The following VPS37B variants were observed in gnomAD, a reference collection of about 807,000 sequenced individuals.
VPS37B encodes vacuolar protein sorting-associated protein 37B.
A neutral mutation model predicts 21.2 loss-of-function variants in VPS37B; 11 were observed. That is an observed-to-expected ratio of 0.52 (90% confidence interval 0.33 to 0.86). The LOEUF is 0.86. Among genes scored for constraint, VPS37B ranks in the 40% least tolerant of loss-of-function variants. The pLI is 0.03. For synonymous variants in VPS37B, 175 were observed against 159.6 expected, an observed-to-expected ratio of 1.10 and a Z score of -0.73; for missense variants, 389 against 374.8, an observed-to-expected ratio of 1.04 and a Z score of -0.31.
chr12:122,878,338 A>C (rs1358873015), intron 1 of VPS37B: 2 of 150,056 alleles, frequency 1.3e-5, no homozygotes, highest in African/African-American at 4.9e-5. Flanking sequence ...CAGCCTGGTG[A>C]CAGAGGGAGA....
intron 1 of VPS37B, chr12:122,889,039 G>T (rs7966607): frequency 6.2e-6 from 1 of 160,144 alleles, no homozygotes; most frequent in East Asian, 1.8e-4. Flanking sequence ...TTGAAGCCCG[G>T]TTATCACCAC....
At chr12:122,880,291 G>A (rs573695333) in intron 1 of VPS37B, 1 of 152,280 alleles carries the variant, frequency 6.6e-6, no homozygotes, top group African/African-American at 2.4e-5. Flanking sequence ...CTCCAGCAGT[G>A]ATAACAGTTT....
At chr12:122,879,691 C>G (rs2034216318) in intron 1 of VPS37B, 1 of 152,276 alleles carries the variant, frequency 6.6e-6, no homozygotes. Context: ...CACAAAATGA[C>G]ACTTGAGCTC....
intron 1 of VPS37B, 196 bp from the exon 2 acceptor site, chr12:122,871,257 G>T: frequency 5.2e-6 from 7 of 1,355,648 alleles, no homozygotes; most frequent in Non-Finnish European, 6.6e-6. Flanking sequence ...GCTGCCCGTC[G>T]TAAAGAATGA....
chr12:122,894,950 T>C (rs2034469096), intron 1 of VPS37B, among the ~76,000 whole-genome samples: 1 of 152,054 alleles, frequency 6.6e-6, no homozygotes, highest in Admixed American at 6.5e-5. Context: ...TGGGACGCAG[T>C]GGTACAAAGC....
In VPS37B at chr12:122,868,794, G is replaced by A. The variant is rs1373893269; in HGVS notation, c.284-232C>T. 6.6e-6 allele frequency among the ~76,000 whole-genome samples: 1 copy of A among 152,200 alleles called. No individual in the cohort carries two copies. The highest frequency in any genetic ancestry group is 1.9e-4 in the East Asian group (1 of 5,196). ...ACCAGCTGTTTTCAAATATGGGGCA[G>A]TGACATTCTCATCATGCCACTTTGT... On this transcript the variant is annotated intron_variant, in intron 2 of 3. Transcript: ENST00000267202. The surrounding 1 kb of genome is among the most constrained non-coding windows in gnomAD (Gnocchi z 5.5).
At chr12:122,873,562 G>A (rs1481309513) in intron 1 of VPS37B, 4 of 152,222 alleles carry the variant, frequency 2.6e-5, no homozygotes, top group African/African-American at 9.7e-5. Flanking sequence ...TGAGAAACAG[G>A]AGTGCTCCCA....
At chr12:122,883,510 CAA>C (rs2034278875) in intron 1 of VPS37B, 1 of 152,094 alleles carries the variant, frequency 6.6e-6, no homozygotes, top group East Asian at 1.9e-4. Context: ...TTTTTTGAGA[CAA>C]GAGTCTCACT....
At position 122,867,124 on chromosome 12, in the gene VPS37B, G is replaced by A. The variant is rs2033917339; in HGVS notation, c.850C>T (p.Leu284Phe). The change falls in exon 4 of 4, where the codon CTC (leucine) becomes TTC (phenylalanine). Residue 284 changes from leucine to phenylalanine, a missense_variant. Coordinates refer to ENST00000267202, the MANE Select transcript of VPS37B (RefSeq NM_024667.3). The surrounding 1 kb of genome is among the most constrained non-coding windows in gnomAD (Gnocchi z 5.5). ...RLPPHQPGFI[L>F]Q ...AAGGACCGCGCCGGCGCTCACTGGAGGATGAAACCCGGCTGGTGTGGAGGG... is the reference window on the plus strand; with the variant it reads ...AAGGACCGCGCCGGCGCTCACTGGAAGATGAAACCCGGCTGGTGTGGAGGG... 1 of 1,529,358 alleles carries A rather than the reference G, an allele frequency of 6.5e-7. No individual in the cohort carries two copies. Among genetic ancestry groups the A allele is most frequent in the Non-Finnish European group, 8.7e-7 (1 of 1,144,792 alleles). The allele number at this position is 1,529,358 out of a possible 1,614,324, so 94.7% of individuals were successfully genotyped here. A position where few individuals can be genotyped will look rare whatever the true frequency, so the allele number is the denominator to read the frequency against.
rs1475261161 is a variant in VPS37B at position 122,868,956 on chromosome 12, G to A, written c.284-394C>T. On this transcript the variant is annotated intron_variant, in intron 2 of 3. Transcript: ENST00000267202. The surrounding 1 kb of genome is among the most constrained non-coding windows in gnomAD (Gnocchi z 5.5). ...GAACCTTTCCACCGGGCGCCCTCAC[G>A]CCCACTGCACCCGCCAGATAACCCC... 6.6e-6 allele frequency among the ~76,000 whole-genome samples: 1 copy of A among 152,112 alleles called. No homozygotes were observed. Among genetic ancestry groups the A allele is most frequent in the East Asian group, 1.9e-4 (1 of 5,170 alleles).
chr12:122,866,936 T>C lies in VPS37B; in HGVS notation c.*180A>G. On this transcript the variant is annotated 3_prime_UTR_variant, in exon 4 of 4. Coordinates refer to ENST00000267202, the MANE Select transcript of VPS37B (RefSeq NM_024667.3). ...CTGTAACCCGGCACACACAACTGCC[T>C]TGATGCCCAAAGCCTGGGCTCCTAC... 1.4e-6 allele frequency: 1 copy of C among 693,962 alleles called. No homozygotes were observed. Among genetic ancestry groups the C allele is most frequent in the Non-Finnish European group, 2.1e-6 (1 of 466,484 alleles). The allele number at this position is 693,962 out of a possible 1,614,324, so 43.0% of individuals were successfully genotyped here.
chr12:122,888,897 C>T (rs1221298429), intron 1 of VPS37B: 2 of 259,596 alleles, frequency 7.7e-6, no homozygotes, highest in African/African-American at 4.5e-5. Flanking sequence ...CACACTCCAA[C>T]TGCCTGCGGG....
At chr12:122,878,784 T>A (rs2034200727) in intron 1 of VPS37B, 2 of 152,166 alleles carry the variant, frequency 1.3e-5, no homozygotes. Flanking sequence ...CCTGAGTAGC[T>A]GGGATTACAG....
chr12:122,871,700 C>T, intron 1 of VPS37B: 1 of 985,370 alleles, frequency 1.0e-6, no homozygotes, highest in Non-Finnish European at 1.2e-6. Flanking sequence ...TTTTGCCCAT[C>T]AGGGATTTCA....
At position 122,867,220 on chromosome 12, in the gene VPS37B, G is replaced by A; in HGVS notation, c.754C>T (p.Gln252Ter). ...ACGAACTGCGAAGAGAATCCTTGCTGAGTGGGGAGGCCCACGCGGGGGGGC... is the reference window on the plus strand; with the variant it reads ...ACGAACTGCGAAGAGAATCCTTGCTAAGTGGGGAGGCCCACGCGGGGGGGC... ...PLPPRVGLPT[Q>*]QGFSSQFVSP... The change falls in exon 4 of 4, where the codon CAG (glutamine) becomes TAG (stop). Residue 252 changes from glutamine to a stop codon, truncating the protein, a stop_gained. Transcript: ENST00000267202. LOFTEE classifies it high-confidence loss of function. The surrounding 1 kb of genome is among the most constrained non-coding windows in gnomAD (Gnocchi z 5.5). The A allele has an allele frequency of 6.4e-7, 1 of 1,574,484 alleles. No homozygotes were observed. The highest frequency in any genetic ancestry group is 8.6e-7 in the Non-Finnish European group (1 of 1,163,574).
intron 1 of VPS37B, 76 bp from the exon 2 acceptor site, chr12:122,871,137 C>G (rs947787110): frequency 6.4e-7 from 1 of 1,550,518 alleles, no homozygotes; most frequent in South Asian, 1.2e-5. Context: ...ACGCACACCC[C>G]AGGAGCCCAG....
Position 122,868,483 on chromosome 12 carries a change from A to G in VPS37B, c.363T>C (p.Thr121=). The G allele has an allele frequency of 6.2e-7, 1 of 1,612,932 alleles. No individual in the cohort carries two copies. The highest frequency in any genetic ancestry group is 8.5e-7 in the Non-Finnish European group (1 of 1,179,770). ...CACCAAGGCTGGTGGGCTTTACCTC[A>G]GTGTCTTCCTCAATCTTGGCCCCTT... ...QAEGAKIEED[T]ENMAEKFLDG... The change falls in exon 3 of 4, where the codon ACT becomes ACC. Residue 121 remains threonine (T), a synonymous_variant. Transcript: ENST00000267202. The surrounding 1 kb of genome is among the most constrained non-coding windows in gnomAD (Gnocchi z 5.5).
rs979368046 is a variant in VPS37B at position 122,867,715 on chromosome 12, C to G, written c.367-108G>C. On this transcript the variant is annotated intron_variant, in intron 3 of 3. Coordinates refer to ENST00000267202, the MANE Select transcript of VPS37B (RefSeq NM_024667.3). The surrounding 1 kb of genome is among the most constrained non-coding windows in gnomAD (Gnocchi z 5.5). The stretch of plus-strand genomic sequence containing the variant: ...CGCCCAGCTGCTTCCAACACTGCCC[C>G]CTCCCTGTAACCACCCAGAGGGCCT... The G allele has an allele frequency of 2.7e-6, 4 of 1,482,972 alleles. No homozygotes were observed. The Admixed American group carries it at 5.7e-5, about 21-fold the overall frequency. 91.9% of individuals were successfully genotyped at this position (1,482,972 alleles called of 1,614,324 possible). A position where few individuals can be genotyped will look rare whatever the true frequency, so the allele number is the denominator to read the frequency against.
intron 1 of VPS37B, among the ~76,000 whole-genome samples, chr12:122,894,779 C>T (rs2034465213): frequency 6.6e-6 from 1 of 152,216 alleles, no homozygotes; most frequent in Non-Finnish European, 1.5e-5. Context: ...AACCACACCT[C>T]AAGGTGTGAA....
Sources: allele counts gnomAD v4.1 joint callset (sites outside exome capture counted in the v4.1 genomes callset), GRCh38; gene constraint gnomAD v4.1.1; non-coding constraint Gnocchi (gnomAD v3.1); transcripts MANE v1.5; gene names NCBI Gene and HGNC (gene_info 2026-07-23, HGNC 2026-07-21).